Variants in MINDY3 observed in about 807,000 individuals in gnomAD.
The protein encoded by MINDY3 is MINDY lysine 48 deubiquitinase 3, also known as ubiquitin carboxyl-terminal hydrolase MINDY-3.
MINDY3 carries 38 observed loss-of-function variants against 69.2 expected under a neutral mutation model. The observed-to-expected ratio is 0.55, with a 90% CI of 0.42 to 0.72. MINDY3 has a LOEUF of 0.72. Among genes scored for constraint, MINDY3 ranks in the 30% least tolerant of loss-of-function variants. The pLI is 0.00. For missense variants in MINDY3, 522 were observed against 519.0 expected (o/e 1.01, Z -0.06); for synonymous variants, 192 against 180.1 (o/e 1.07, Z -0.53).
At chr10:15,844,500 G>A (rs976704635) in intron 2 of MINDY3, among the ~76,000 whole-genome samples, 4 of 152,138 alleles carry the variant, frequency 2.6e-5, no homozygotes, top group South Asian at 2.1e-4. Flanking sequence ...TACAGAATTC[G>A]TAAGCATAAT....
At chr10:15,809,613 C>T (rs1400913566) in intron 10 of MINDY3, among the ~76,000 whole-genome samples, 4 of 152,072 alleles carry the variant, frequency 2.6e-5, no homozygotes, top group Admixed American at 1.3e-4. Flanking sequence ...GGTCCATTTA[C>T]GTACTGCATT....
At chr10:15,825,777 A>C (rs1359805142) in intron 8 of MINDY3, among the ~76,000 whole-genome samples, 2 of 152,200 alleles carry the variant, frequency 1.3e-5, no homozygotes, top group African/African-American at 4.8e-5. Context: ...TAACATATGC[A>C]TTATTCTGTG....
At chr10:15,840,823 C>T (rs920741069) in intron 4 of MINDY3, among the ~76,000 whole-genome samples, 15 of 151,496 alleles carry the variant, frequency 9.9e-5, no homozygotes, top group African/African-American at 3.6e-4. Flanking sequence ...AAGTTAAAAA[C>T]CACAGAATAT....
At chr10:15,838,129 A>C in intron 5 of MINDY3, 99 bp downstream of exon 5, 1 of 1,351,958 alleles carries the variant, frequency 7.4e-7, no homozygotes, top group African/African-American at 1.5e-5. Flanking sequence ...TAAGTAGCGC[A>C]TTTCTATGTA....
chr10:15,846,391 G>A lies in MINDY3; in HGVS notation c.174+1473C>T, dbSNP rs539893222. On this transcript the variant is annotated intron_variant, in intron 2 of 14. Coordinates refer to ENST00000277632, the MANE Select transcript of MINDY3 (RefSeq NM_024948.4). Reference sequence around the variant, plus strand: ...GGACATAACAAGGAATCTTCAAATTGAGGTAACATTCCTACTAGCAACCAA... The same window carrying A: ...GGACATAACAAGGAATCTTCAAATTAAGGTAACATTCCTACTAGCAACCAA... Among the ~76,000 whole-genome samples the A allele has an allele frequency of 6.1e-4, 93 of 152,214 alleles. No individual in the cohort carries two copies. The South Asian group carries it at 0.011, about 19-fold the overall frequency.
chr10:15,801,744 A>C (rs540640334), intron 10 of MINDY3, among the ~76,000 whole-genome samples: 1 of 152,244 alleles, frequency 6.6e-6, no homozygotes, highest in African/African-American at 2.4e-5. Flanking sequence ...TCACTGTTAC[A>C]GAAAAAGCTA....
chr10:15,837,422 A>C, intron 5 of MINDY3, 104 bp from the exon 6 acceptor site: 1 of 1,244,816 alleles, frequency 8.0e-7, no homozygotes, highest in Non-Finnish European at 1.1e-6. Flanking sequence ...ATATACATAC[A>C]AACAGGAAAG....
chr10:15,840,920 C>T (rs1214153718), intron 4 of MINDY3, among the ~76,000 whole-genome samples: 2 of 151,260 alleles, frequency 1.3e-5, no homozygotes, highest in Non-Finnish European at 3.0e-5. Context: ...AAACTTAAGG[C>T]ATAATTAAAA....
intron 1 of MINDY3, among the ~76,000 whole-genome samples, chr10:15,854,405 A>C (rs1834546243): frequency 1.3e-5 from 2 of 152,104 alleles, no homozygotes; most frequent in African/African-American, 2.4e-5. Context: ...TAATATGATA[A>C]ACATTAAAGA....
chr10:15,816,282 G>GAAA (rs1421619763), intron 10 of MINDY3, among the ~76,000 whole-genome samples: 11 of 108,502 alleles, frequency 1.0e-4, no homozygotes, highest in African/African-American at 5.6e-4. Flanking sequence ...AAAAAAAAAT[G>GAAA]AAAAAGAAAA....
intron 10 of MINDY3, among the ~76,000 whole-genome samples, chr10:15,806,074 G>A (rs1031231723): frequency 5.3e-5 from 8 of 152,086 alleles, no homozygotes; most frequent in South Asian, 2.1e-4. Flanking sequence ...TGTTCTCATC[G>A]CCCCCTTCTT....
chr10:15,794,838 T>C (rs150417041), intron 11 of MINDY3, among the ~76,000 whole-genome samples: 4 of 152,178 alleles, frequency 2.6e-5, no homozygotes, highest in East Asian at 1.9e-4. Flanking sequence ...CTTTGCAGCA[T>C]TGATGAAATT....
intron 8 of MINDY3, among the ~76,000 whole-genome samples, chr10:15,827,272 T>C (rs1298347193): frequency 6.7e-6 from 1 of 148,878 alleles, no homozygotes; most frequent in South Asian, 2.1e-4. Context: ...CCAGGCGCGG[T>C]AGCTCACGCC....
chr10:15,805,870 G>C (rs1838603810), intron 10 of MINDY3, among the ~76,000 whole-genome samples: 1 of 152,146 alleles, frequency 6.6e-6, no homozygotes, highest in Admixed American at 6.6e-5. Flanking sequence ...TAAGTTATGA[G>C]GGCGGTAAGC....
intron 11 of MINDY3, among the ~76,000 whole-genome samples, chr10:15,793,069 T>C (rs1244238138): frequency 6.6e-6 from 1 of 152,104 alleles, no homozygotes; most frequent in African/African-American, 2.4e-5. Flanking sequence ...CACTAGAGAA[T>C]TGTTGTTGTC....
chr10:15,840,529 T>C (rs1833398117), intron 4 of MINDY3, among the ~76,000 whole-genome samples: 1 of 151,704 alleles, frequency 6.6e-6, no homozygotes, highest in Non-Finnish European at 1.5e-5. Context: ...TAATACTATA[T>C]GGAAAGCAAA....
chr10:15,852,560 C>T (rs1181079685), intron 1 of MINDY3, among the ~76,000 whole-genome samples: 3 of 152,188 alleles, frequency 2.0e-5, no homozygotes, highest in Non-Finnish European at 2.9e-5. Flanking sequence ...GAGAAAAGCA[C>T]ATTAACTGAG....
chr10:15,837,967 T>C (rs1191170451), intron 5 of MINDY3: 1 of 963,264 alleles, frequency 1.0e-6, no homozygotes, highest in African/African-American at 1.8e-5. Flanking sequence ...CTAAAATGAT[T>C]TTTTTTCATT....
chr10:15,780,862 G>A (rs900766633), intron 14 of MINDY3, among the ~76,000 whole-genome samples: 3 of 152,056 alleles, frequency 2.0e-5, no homozygotes, highest in African/African-American at 7.2e-5. Context: ...AGCAGACCAA[G>A]GACAGGATTG....
Sources: gnomAD v4.1 joint callset for allele counts (sites outside exome capture counted in the v4.1 genomes callset) on GRCh38, gnomAD v4.1.1 for gene constraint, MANE v1.5 for transcripts, NCBI Gene and HGNC (gene_info 2026-07-23, HGNC 2026-07-21) for gene names.